Variants in EBF2 observed in about 807,000 individuals in gnomAD.
EBF2 encodes the protein transcription factor COE2.
Under a neutral mutation model 72.8 loss-of-function variants are expected in EBF2, and 21 were observed. The observed-to-expected ratio is 0.29, with a 90% CI of 0.20 to 0.42. The LOEUF is 0.42. Ranked by LOEUF, EBF2 falls within the 10% of genes least tolerant of loss-of-function variation. EBF2 has a pLI of 1.00. For synonymous variants in EBF2, 299 were observed against 274.2 expected (o/e 1.09, Z -0.89); for missense variants, 637 against 731.2 (o/e 0.87, Z 1.49).
At chr8:25,872,481 G>A (rs927843923) in intron 10 of EBF2, among the ~76,000 whole-genome samples, 1 of 152,138 alleles carries the variant, frequency 6.6e-6, no homozygotes. Context: ...GAAATTCTAA[G>A]CCTAGCCATG....
chr8:25,889,244 G>A (rs1802738653), intron 8 of EBF2, among the ~76,000 whole-genome samples: 1 of 151,984 alleles, frequency 6.6e-6, no homozygotes, highest in South Asian at 2.1e-4. Context: ...TAATTTTTTG[G>A]ACAACTTGAA....
chr8:25,926,123 C>T (rs969190258), intron 6 of EBF2, among the ~76,000 whole-genome samples: 2 of 152,144 alleles, frequency 1.3e-5, no homozygotes, highest in Non-Finnish European at 2.9e-5. Context: ...ATGAGTCCTT[C>T]TACCGGGAAG....
chr8:25,996,712 T>G (rs531044507), intron 6 of EBF2, among the ~76,000 whole-genome samples: 90 of 152,126 alleles, frequency 5.9e-4, no homozygotes, highest in Admixed American at 1.4e-3. Flanking sequence ...AGACCATAAT[T>G]AAGCAGAATT....
chr8:25,971,622 T>C (rs1014623769), intron 6 of EBF2, among the ~76,000 whole-genome samples: 7 of 152,110 alleles, frequency 4.6e-5, no homozygotes, highest in African/African-American at 1.4e-4. Context: ...CTAATATTGA[T>C]AGGTTAATGC....
intron 10 of EBF2, among the ~76,000 whole-genome samples, chr8:25,884,627 T>C (rs570824681): frequency 4.6e-5 from 7 of 152,346 alleles, no homozygotes; most frequent in South Asian, 2.1e-4. Context: ...CTCCCTTCTA[T>C]ACCCGTGAGC....
chr8:26,017,879 C>T (rs1210957861), intron 6 of EBF2, among the ~76,000 whole-genome samples: 4 of 152,182 alleles, frequency 2.6e-5, no homozygotes, highest in African/African-American at 7.2e-5. Context: ...CAATGAGCAT[C>T]CTCCAAGGAC....
At chr8:25,908,589 G>A in intron 6 of EBF2, 34 bp from the exon 7 acceptor site, 1 of 1,318,120 alleles carries the variant, frequency 7.6e-7, no homozygotes, top group South Asian at 1.2e-5. Context: ...ACATTTTTCA[G>A]TAAACATTTT....
At chr8:25,956,353 C>T (rs573470919) in intron 6 of EBF2, among the ~76,000 whole-genome samples, 28 of 151,104 alleles carry the variant, frequency 1.9e-4, no homozygotes, top group Non-Finnish European at 3.1e-4. Context: ...TGCAGTGAGC[C>T]GAGATCGCAT....
In EBF2 at chr8:25,851,665, A is replaced by G. The variant is rs1186763159; in HGVS notation, c.1529-904T>C. 2.6e-5 allele frequency among the ~76,000 whole-genome samples: 4 copies of G among 152,210 alleles called. No individual in the cohort carries two copies. In the South Asian group the frequency reaches 6.2e-4, roughly 24 times the overall value. Reference sequence around the variant, plus strand: ...TATAGTTTTAGGCACTTGTGTTAGCATAATTCCCAGAATTCTGAACTGTCC... The same window carrying G: ...TATAGTTTTAGGCACTTGTGTTAGCGTAATTCCCAGAATTCTGAACTGTCC... On this transcript the variant is annotated intron_variant, in intron 14 of 15. Coordinates refer to ENST00000520164, the MANE Select transcript of EBF2 (RefSeq NM_022659.4).
At chr8:25,915,764 AG>A (rs927364225) in intron 6 of EBF2, among the ~76,000 whole-genome samples, 1 of 152,174 alleles carries the variant, frequency 6.6e-6, no homozygotes, top group African/African-American at 2.4e-5. Context: ...CAAGTCACCA[AG>A]GCTAAATTTT....
At chr8:25,895,061 T>TACATAATACAATTA (rs1802845804) in intron 7 of EBF2, among the ~76,000 whole-genome samples, 1 of 152,222 alleles carries the variant, frequency 6.6e-6, no homozygotes, top group Admixed American at 6.5e-5. Flanking sequence ...GGAATACAGA[T>TACATAATACAATTA]GTCCATAATT....
At position 25,886,809 on chromosome 8, in the gene EBF2, A is replaced by T; in HGVS notation, c.955T>A (p.Ser319Thr). 4 of 1,613,584 alleles carry T rather than the reference A, an allele frequency of 2.5e-6. No individual in the cohort carries two copies. Among genetic ancestry groups the T allele is most frequent in the Non-Finnish European group, 3.4e-6 (4 of 1,179,730 alleles). Reference sequence around the variant, plus strand: ...TTGCAGAACTGTTTAGATTTATAAGATAATGTCACCTCTACCACGCCTGGG... The same window carrying T: ...TTGCAGAACTGTTTAGATTTATAAGTTAATGTCACCTCTACCACGCCTGGG... The part of the protein sequence containing the change: ...HIPGVVEVTL[S>T]YKSKQFCKGA... Residue 319 changes from serine (S) to threonine (T), a missense_variant, in exon 10 of 16, where the codon TCT becomes ACT. By Grantham distance (58) the Ser-to-Thr change is moderately conservative. This residue lies in a region of EBF2 where 204 missense variants were observed against 301.2 expected (regional missense o/e 0.68). Coordinates refer to ENST00000520164, the MANE Select transcript of EBF2 (RefSeq NM_022659.4).
intron 6 of EBF2, among the ~76,000 whole-genome samples, chr8:25,978,626 T>C (rs1804305850): frequency 6.6e-6 from 1 of 152,156 alleles, no homozygotes; most frequent in East Asian, 1.9e-4. Context: ...CGCTTCGCCC[T>C]CTGGCTGCAG....
chr8:25,854,220 A>G (rs901168901), intron 14 of EBF2, among the ~76,000 whole-genome samples: 2 of 142,490 alleles, frequency 1.4e-5, no homozygotes, highest in African/African-American at 5.5e-5. Context: ...CTATTACTCT[A>G]ATACCAACCC....
chr8:25,850,357 A>C (rs1027886248), intron 15 of EBF2, among the ~76,000 whole-genome samples: 13 of 152,068 alleles, frequency 8.5e-5, no homozygotes, highest in Non-Finnish European at 1.3e-4. Context: ...CAAGTGATCC[A>C]CCTGCCTTGG....
chr8:25,893,673 G>T (rs1802821019), intron 7 of EBF2, among the ~76,000 whole-genome samples: 1 of 152,068 alleles, frequency 6.6e-6, no homozygotes. Flanking sequence ...TTCTCTCTGA[G>T]GCTGCTTTAA....
At chr8:25,912,499 A>ACACACACACAC (rs1375819188) in intron 6 of EBF2, among the ~76,000 whole-genome samples, 1,234 of 72,896 alleles carry the variant, frequency 0.017, 20 homozygotes, top group African/African-American at 0.039. Flanking sequence ...CACACACACA[A>ACACACACACAC]CAGGAAGAAT....
At chr8:25,859,775 G>A (rs1802176782) in intron 13 of EBF2, among the ~76,000 whole-genome samples, 1 of 150,228 alleles carries the variant, frequency 6.7e-6, no homozygotes, top group Admixed American at 6.6e-5. Flanking sequence ...GGAGTACAGT[G>A]GCACAGTCAT....
At chr8:25,940,107 T>C (rs1204447126) in intron 6 of EBF2, among the ~76,000 whole-genome samples, 1 of 152,084 alleles carries the variant, frequency 6.6e-6, no homozygotes, top group East Asian at 1.9e-4. Context: ...ACAAAAACAC[T>C]TGGCAATATC....
Sources: gnomAD v4.1 joint callset for allele counts (sites outside exome capture counted in the v4.1 genomes callset) on GRCh38, gnomAD v4.1.1 for gene constraint, gnomAD v4.1.1 regional missense constraint, MANE v1.5 for transcripts, NCBI Gene and HGNC (gene_info 2026-07-23, HGNC 2026-07-21) for gene names.